PCDHGB5: variants seen among roughly 807,000 people sequenced by gnomAD.
PCDHGB5 encodes the protein protocadherin gamma subfamily B, 5.
A neutral mutation model predicts 62.9 loss-of-function variants in PCDHGB5; 48 were observed. That is an observed-to-expected ratio of 0.76 (90% CI 0.61 to 0.97). PCDHGB5 has a LOEUF of 0.97. PCDHGB5 is among the 50% of genes least tolerant of loss of function. The probability of loss-of-function intolerance (pLI) is 0.00; values close to 1 mark genes in which losing one functional copy is unlikely to be tolerated. For synonymous variants in PCDHGB5, 474 were observed against 511.2 expected (o/e 0.93, Z 0.98); for missense variants, 1,118 against 1,198.6 (o/e 0.93, Z 0.99).
At chr5:141,433,358 C>CCTAT (rs3074541) in intron 1 of PCDHGB5, 148,925 of 502,316 alleles carry the variant, frequency 0.3, 18,760 homozygotes, top group East Asian at 0.33. Flanking sequence ...CTACTGTCTG[C>CCTAT]CTATCTATCT....
rs747437039 is a variant in PCDHGB5 at position 141,413,919 on chromosome 5, G to T, written c.2397+13395G>T. The T allele has an allele frequency of 1.2e-5, 19 of 1,613,284 alleles. 1 individual carries two copies. The highest frequency in any genetic ancestry group is 1.6e-5 in the Non-Finnish European group (19 of 1,179,890). ...ATGACAACGCGCCGGTCTTCACCTT[G>T]CCAGAATACCGAGTGAGTGTTCCTG... On this transcript the variant is annotated intron_variant, in intron 1 of 3. Transcript: ENST00000617380.
intron 1 of PCDHGB5, chr5:141,478,134 C>A (rs2099431418): frequency 6.2e-7 from 1 of 1,614,074 alleles, no homozygotes; most frequent in African/African-American, 1.3e-5. Flanking sequence ...TCTCCTGAAG[C>A]CCGAGCCGAG....
In PCDHGB5 at chr5:141,415,152, C is replaced by G. The variant is rs758450562; in HGVS notation, c.2397+14628C>G. ...AGGACCACGGCCAGCCCCCTCTCTCCGCCACTGTCACGCTCACCGTGGCCG... is the reference window on the plus strand; with the variant it reads ...AGGACCACGGCCAGCCCCCTCTCTCGGCCACTGTCACGCTCACCGTGGCCG... On this transcript the variant is annotated intron_variant, in intron 1 of 3. Transcript: ENST00000617380. The G allele has an allele frequency of 1.9e-6, 3 of 1,613,812 alleles. No individual in the cohort carries two copies. In the Admixed American group the frequency reaches 5.0e-5, roughly 27 times the overall value.
In PCDHGB5 at chr5:141,431,326, T is replaced by G. The variant is rs1486136293; in HGVS notation, c.2397+30802T>G. 6.2e-7 allele frequency: 1 copy of G among 1,614,046 alleles called. No individual in the cohort carries two copies. Among genetic ancestry groups the G allele is most frequent in the Non-Finnish European group, 8.5e-7 (1 of 1,180,018 alleles). On this transcript the variant is annotated intron_variant, in intron 1 of 3. Transcript: ENST00000617380. This position sits in a 1 kb window ranked among gnomAD's most constrained non-coding sequence, Gnocchi z 4.8. Reference sequence around the variant, plus strand: ...TCGTGCAAAATGGAGCCGACGGTAGTAAGTACCCCGAATTGGTGCTGAAAC... The same window carrying G: ...TCGTGCAAAATGGAGCCGACGGTAGGAAGTACCCCGAATTGGTGCTGAAAC...
intron 1 of PCDHGB5, among the ~76,000 whole-genome samples, chr5:141,459,690 C>A (rs1338211972): frequency 6.6e-6 from 1 of 152,174 alleles, no homozygotes; most frequent in African/African-American, 2.4e-5. Context: ...ATAAAGCGTT[C>A]CGCTTGCTAC....
At chr5:141,427,890 G>A in intron 1 of PCDHGB5, 1 of 1,566,844 alleles carries the variant, frequency 6.4e-7, no homozygotes, top group Non-Finnish European at 8.7e-7. Flanking sequence ...CCACGACCAG[G>A]GCTCGCCCGC....
chr5:141,456,308 T>C (rs2098849199), intron 1 of PCDHGB5, among the ~76,000 whole-genome samples: 1 of 152,156 alleles, frequency 6.6e-6, no homozygotes, highest in Non-Finnish European at 1.5e-5. Context: ...GAACAGCAGC[T>C]AGGGCTCCTC....
intron 1 of PCDHGB5, chr5:141,414,875 T>G: frequency 6.2e-7 from 1 of 1,614,196 alleles, no homozygotes; most frequent in Non-Finnish European, 8.5e-7. Context: ...CCCGAGATCC[T>G]GTACCCCGCC....
chr5:141,432,859 C>A lies in PCDHGB5; in HGVS notation c.2397+32335C>A. The A allele has an allele frequency of 1.2e-6, 2 of 1,614,190 alleles. No homozygotes were observed. Among genetic ancestry groups the A allele is most frequent in the Non-Finnish European group, 1.7e-6 (2 of 1,180,020 alleles). The stretch of plus-strand genomic sequence containing the variant: ...ACCTGGTGGTAGCGGTGGCCGCGGT[C>A]TCCTGCGTCTTCCTGGCCTTCGTCA... On this transcript the variant is annotated intron_variant, in intron 1 of 3. Transcript: ENST00000617380. This position sits in a 1 kb window ranked among gnomAD's most constrained non-coding sequence, Gnocchi z 6.0.
intron 1 of PCDHGB5, chr5:141,413,180 C>T: frequency 6.2e-7 from 1 of 1,602,612 alleles, no homozygotes; most frequent in Non-Finnish European, 8.5e-7. Flanking sequence ...ACTACAATGG[C>T]CGCTCAAAGG....
intron 1 of PCDHGB5, chr5:141,478,400 C>A (rs1295855090): frequency 6.2e-7 from 1 of 1,613,550 alleles, no homozygotes; most frequent in East Asian, 2.2e-5. Context: ...TCAGGTGTAT[C>A]TCACCACGGA....
At chr5:141,413,950 T>C (rs1448967281) in intron 1 of PCDHGB5, 1 of 1,613,264 alleles carries the variant, frequency 6.2e-7, no homozygotes. Context: ...TCCTGAGAAT[T>C]TGCCTGTGGG....
intron 1 of PCDHGB5, among the ~76,000 whole-genome samples, chr5:141,434,221 G>T (rs760622311): frequency 6.6e-6 from 1 of 152,206 alleles, no homozygotes; most frequent in Admixed American, 6.5e-5. Flanking sequence ...TGTAAACAAA[G>T]TACGATTTCT....
At chr5:141,450,067 T>C (rs1007808503) in intron 1 of PCDHGB5, among the ~76,000 whole-genome samples, 4 of 147,604 alleles carry the variant, frequency 2.7e-5, no homozygotes, top group African/African-American at 1.0e-4. Context: ...AATGCAGTGG[T>C]ATGATCTTGG....
At position 141,511,319 on chromosome 5, in the gene PCDHGB5, C is replaced by T. The variant is rs2099883711; in HGVS notation, c.*146C>T. On this transcript the variant is annotated 3_prime_UTR_variant, in exon 4 of 4. Coordinates refer to ENST00000617380, the MANE Select transcript of PCDHGB5 (RefSeq NM_018925.3). ...CCATGCTCCCCTTGGGAAACAGAAA[C>T]AAGTGCCCAGTCAGCACCTACCCCT... 1.4e-6 allele frequency: 2 copies of T among 1,477,302 alleles called. No homozygotes were observed. The highest frequency in any genetic ancestry group is 1.4e-5 in the African/African-American group (1 of 70,920). 91.5% of individuals were successfully genotyped at this position (1,477,302 alleles called of 1,614,324 possible).
At chr5:141,409,984 GGACGCC>G (rs2095344357) in intron 1 of PCDHGB5, 1 of 1,613,210 alleles carries the variant, frequency 6.2e-7, no homozygotes, top group Admixed American at 1.7e-5. Context: ...TGGTAGCGGT[GGACGCC>G]GACTCGGGAC....
chr5:141,403,069 A>G (rs747569947), intron 1 of PCDHGB5: 3 of 1,613,954 alleles, frequency 1.9e-6, no homozygotes, highest in African/African-American at 2.7e-5. Flanking sequence ...CTGAAGAGAC[A>G]GAAAAGGGCT....
intron 1 of PCDHGB5, chr5:141,410,555 C>G: frequency 1.2e-6 from 2 of 1,613,202 alleles, no homozygotes; most frequent in Non-Finnish European, 1.7e-6. Flanking sequence ...CAGTGTTTCT[C>G]CTGGAGCCTT....
chr5:141,475,955 C>A, intron 1 of PCDHGB5: 1 of 800,218 alleles, frequency 1.2e-6, no homozygotes, highest in Non-Finnish European at 1.9e-6. Flanking sequence ...TTCTGCGCCC[C>A]GGGATGAGGC....
Sources: gnomAD v4.1 joint callset for allele counts (sites outside exome capture counted in the v4.1 genomes callset) on GRCh38, gnomAD v4.1.1 for gene constraint, Gnocchi (gnomAD v3.1) non-coding constraint, MANE v1.5 for transcripts, NCBI Gene and HGNC (gene_info 2026-07-23, HGNC 2026-07-21) for gene names.